NXNL2: variants seen among roughly 807,000 people sequenced by gnomAD.
NXNL2 encodes nucleoredoxin-like protein 2.
In NXNL2, 7 loss-of-function variants were observed where a neutral mutation model predicts 11.1. The observed-to-expected ratio is 0.63, with a 90% CI of 0.36 to 1.18. The LOEUF is 1.18. Among genes scored for constraint, NXNL2 ranks in the 50% most tolerant of loss-of-function variants. The pLI, the probability that NXNL2 is intolerant of heterozygous loss-of-function variation, is 0.02. For synonymous variants in NXNL2, 109 were observed against 101.8 expected, an observed-to-expected ratio of 1.07 and a Z score of -0.42; for missense variants, 233 against 217.7, an observed-to-expected ratio of 1.07 and a Z score of -0.44.
At chr9:88,562,322 C>T (rs756931808) in intron 1 of NXNL2, among the ~76,000 whole-genome samples, 3 of 151,862 alleles carry the variant, frequency 2.0e-5, no homozygotes, top group Non-Finnish European at 2.9e-5. Context: ...CGGCTGGGGG[C>T]GGCTGGGAGT....
chr9:88,557,123 G>A (rs977662268), intron 1 of NXNL2, among the ~76,000 whole-genome samples: 1 of 144,678 alleles, frequency 6.9e-6, no homozygotes, highest in Non-Finnish European at 1.5e-5. Flanking sequence ...TTGAAATTCT[G>A]TTAAGCTTCC....
chr9:88,546,295 T>C (rs1383309506), downstream of NXNL2, among the ~76,000 whole-genome samples: 1 of 151,898 alleles, frequency 6.6e-6, no homozygotes, highest in East Asian at 1.9e-4. Context: ...TTGGGGTGAC[T>C]AGAGGGAGAG....
At position 88,582,611 on chromosome 9, in the gene NXNL2, T is replaced by TCTTC. The variant is rs546216874; in HGVS notation, n.552-1373_552-1370dup. 1.6e-3 allele frequency among the ~76,000 whole-genome samples: 247 copies of TCTTC among 151,494 alleles called. 1 individual carries two copies. The highest frequency in any genetic ancestry group is 5.5e-3 in the African/African-American group (228 of 41,308). Reference sequence around the variant, plus strand: ...ACAATCCTTCCTTCCTTCCTTCCTTTCTTCCTTCCTTCCTTCCTCCCTCCT... The same window carrying TCTTC: ...ACAATCCTTCCTTCCTTCCTTCCTTTCTTCCTTCCTTCCTTCCTTCCTCCCTCCT... On this transcript the variant is annotated intron_variant and non_coding_transcript_variant, in intron 1 of 1. Transcript: ENST00000478686.
At chr9:88,577,408 T>G (rs955707971), downstream of NXNL2, among the ~76,000 whole-genome samples, 1 of 151,978 alleles carries the variant, frequency 6.6e-6, no homozygotes, top group Non-Finnish European at 1.5e-5. Context: ...CAGGTGAGCA[T>G]GTCTACGGTC....
chr9:88,567,890 G>T (rs1830200294), intron 1 of NXNL2, among the ~76,000 whole-genome samples: 1 of 152,176 alleles, frequency 6.6e-6, no homozygotes, highest in Admixed American at 6.5e-5. Context: ...AGACCAGCCT[G>T]AGTTGAAGGA....
intron 1 of NXNL2, among the ~76,000 whole-genome samples, chr9:88,536,927 T>G (rs1274513426): frequency 6.6e-6 from 1 of 152,198 alleles, no homozygotes; most frequent in African/African-American, 2.4e-5. Flanking sequence ...ACAGAATCAG[T>G]TCAAGTGGTG....
At chr9:88,562,190 C>T (rs1171067328) in intron 1 of NXNL2, among the ~76,000 whole-genome samples, 1 of 152,186 alleles carries the variant, frequency 6.6e-6, no homozygotes, top group African/African-American at 2.4e-5. Context: ...AGAGTACATA[C>T]TGTATGTTTC....
intron 1 of NXNL2, among the ~76,000 whole-genome samples, chr9:88,566,363 C>T (rs1247637067): frequency 1.3e-5 from 2 of 151,794 alleles, no homozygotes; most frequent in African/African-American, 2.4e-5. Context: ...GGCATGAACT[C>T]AGCTCATGAC....
intron 1 of NXNL2, among the ~76,000 whole-genome samples, chr9:88,581,474 G>A (rs1236115874): frequency 6.6e-6 from 1 of 150,822 alleles, no homozygotes; most frequent in Non-Finnish European, 1.5e-5. Context: ...CGCTCTTGTT[G>A]CCCAGGCTGC....
At chr9:88,575,853 T>G (rs570460946), downstream of NXNL2, 51 of 152,316 alleles carry the variant, frequency 3.3e-4, no homozygotes, top group African/African-American at 1.2e-3. Context: ...AAACATCTCA[T>G]GTACCCCATA....
At chr9:88,543,669 C>T (rs986673971) in intron 1 of NXNL2, among the ~76,000 whole-genome samples, 12 of 152,162 alleles carry the variant, frequency 7.9e-5, no homozygotes, top group Non-Finnish European at 1.3e-4. Flanking sequence ...TAGACCTGCA[C>T]TATCCAATCT....
At chr9:88,567,832 C>T (rs1475644115) in intron 1 of NXNL2, among the ~76,000 whole-genome samples, 3 of 152,192 alleles carry the variant, frequency 2.0e-5, no homozygotes, top group Non-Finnish European at 4.4e-5. Context: ...CAGGCCAACC[C>T]CTAGGCTCTC....
At chr9:88,578,160 C>T (rs1004800455), downstream of NXNL2, among the ~76,000 whole-genome samples, 4 of 152,242 alleles carry the variant, frequency 2.6e-5, no homozygotes, top group Non-Finnish European at 5.9e-5. Flanking sequence ...CGCTGTTAAT[C>T]TCCAAGAGAA....
chr9:88,535,632 A>G lies in NXNL2; in HGVS notation c.198A>G (p.Glu66=), dbSNP rs749380130. 5.0e-6 allele frequency: 8 copies of G among 1,608,932 alleles called. No individual in the cohort carries two copies. The Admixed American group carries it at 6.7e-5, about 13-fold the overall frequency. The change falls in exon 1 of 2, where the codon GAA becomes GAG. Residue 66 remains glutamate, a synonymous_variant. Coordinates refer to ENST00000375854, the MANE Select transcript of NXNL2 (RefSeq NM_001161625.2). ...VAEARRPAPF[E]VVFVSADGSS... The stretch of plus-strand genomic sequence containing the variant: ...AGGCGCGGCGGCCCGCGCCCTTCGA[A>G]GTGGTCTTCGTGTCAGCCGACGGCA...
intron 1 of NXNL2, 63 bp from the exon 2 acceptor site, chr9:88,544,316 G>A: frequency 2.8e-6 from 4 of 1,437,966 alleles, no homozygotes; most frequent in Non-Finnish European, 3.8e-6. Context: ...GGAGGGAGGG[G>A]GCGTGTCCCT....
At chr9:88,536,241 C>A (rs1829616352) in intron 1 of NXNL2, among the ~76,000 whole-genome samples, 1 of 152,136 alleles carries the variant, frequency 6.6e-6, no homozygotes, top group African/African-American at 2.4e-5. Context: ...ACCCACAGTG[C>A]AGGCCGTGGT....
downstream of NXNL2, among the ~76,000 whole-genome samples, chr9:88,576,592 G>T (rs904553000): frequency 3.9e-5 from 6 of 152,198 alleles, no homozygotes; most frequent in African/African-American, 1.4e-4. Context: ...GGGAGAAGGG[G>T]AAGAGGGAGA....
chr9:88,567,427 G>A (rs888842283), intron 1 of NXNL2, among the ~76,000 whole-genome samples: 1 of 152,196 alleles, frequency 6.6e-6, no homozygotes, highest in African/African-American at 2.4e-5. Context: ...GTGAGCCACC[G>A]CGCCTGGGCT....
intron 1 of NXNL2, among the ~76,000 whole-genome samples, chr9:88,566,568 TC>T (rs1478046822): frequency 3.3e-5 from 5 of 152,148 alleles, no homozygotes; most frequent in Non-Finnish European, 7.4e-5. Context: ...CTCCGAAAGT[TC>T]TGGGATTACA....
Sources: allele counts gnomAD v4.1 joint callset (sites outside exome capture counted in the v4.1 genomes callset), GRCh38; gene constraint gnomAD v4.1.1; transcripts MANE v1.5; gene names NCBI Gene and HGNC (gene_info 2026-07-23, HGNC 2026-07-21).